RGS6: variants seen among roughly 807,000 people sequenced by gnomAD.
The protein encoded by RGS6 is regulator of G protein signaling 6.
A neutral mutation model predicts 78.5 loss-of-function variants in RGS6; 30 were observed. The observed-to-expected ratio is 0.38, with a 90% CI of 0.29 to 0.52. RGS6 has a LOEUF of 0.52. RGS6 is among the 20% of genes least tolerant of loss of function. The pLI is 0.85. For missense variants in RGS6, 495 were observed against 609.7 expected, an observed-to-expected ratio of 0.81 and a Z score of 1.98; for synonymous variants, 206 against 206.0, an observed-to-expected ratio of 1.00 and a Z score of 0.00.
chr14:72,357,875 A>G (rs1380790461), intron 3 of RGS6, among the ~76,000 whole-genome samples: 1 of 152,228 alleles, frequency 6.6e-6, no homozygotes, highest in African/African-American at 2.4e-5. Flanking sequence ...GGCATGTCAC[A>G]GACCTTCAAG....
chr14:72,262,985 A>G (rs1478204989), intron 2 of RGS6, among the ~76,000 whole-genome samples: 1 of 152,050 alleles, frequency 6.6e-6, no homozygotes, highest in African/African-American at 2.4e-5. Flanking sequence ...GCAGCTTTAA[A>G]TGGAGAGAAA....
At position 72,481,971 on chromosome 14, in the gene RGS6, G is replaced by A. The variant is rs190000943; in HGVS notation, c.854+3642G>A. On this transcript the variant is annotated intron_variant, in intron 12 of 17. Transcript: ENST00000553525. ...TTACAGGCACCTGCCACCAAGCCTG[G>A]CTAATTTTTTTGTATTTTTTAGTAG... is the stretch of plus-strand genomic sequence containing the variant. 5.3e-5 allele frequency among the ~76,000 whole-genome samples: 8 copies of A among 152,010 alleles called. 1 individual carries two copies. In the East Asian group the frequency reaches 1.5e-3, roughly 29 times the overall value.
intron 2 of RGS6, among the ~76,000 whole-genome samples, chr14:72,040,448 G>T (rs1215571986): frequency 6.6e-6 from 1 of 151,666 alleles, no homozygotes; most frequent in Non-Finnish European, 1.5e-5. Flanking sequence ...CTTCCTTCTG[G>T]CGTATAAACT....
the RGS6 span, among the ~76,000 whole-genome samples, chr14:72,625,727 T>A: frequency 6.6e-5 from 10 of 152,236 alleles, no homozygotes; most frequent in Non-Finnish European, 1.2e-4. Context: ...TATGGCTAGA[T>A]ATAATATGTA....
At chr14:72,179,213 C>A (rs764481836) in intron 2 of RGS6, among the ~76,000 whole-genome samples, 39 of 152,176 alleles carry the variant, frequency 2.6e-4, no homozygotes, top group Non-Finnish European at 5.0e-4. Flanking sequence ...GCAAGTTAAT[C>A]TCCTTTGCCC....
intron 2 of RGS6, among the ~76,000 whole-genome samples, chr14:72,251,698 G>C (rs1414025306): frequency 1.3e-5 from 2 of 152,060 alleles, no homozygotes; most frequent in Non-Finnish European, 2.9e-5. Context: ...TCGACACCAG[G>C]GACTACTAGA....
chr14:72,441,567 C>T (rs1292868599), intron 3 of RGS6, among the ~76,000 whole-genome samples: 4 of 152,238 alleles, frequency 2.6e-5, no homozygotes, highest in African/African-American at 7.2e-5. Flanking sequence ...CCAGGGCCCT[C>T]GCCAGCCCTC....
the RGS6 span, among the ~76,000 whole-genome samples, chr14:72,623,717 A>G: frequency 1.3e-5 from 2 of 152,196 alleles, 1 homozygote; most frequent in South Asian, 4.1e-4. Context: ...TTCATGGTGT[A>G]GTGTATCTTT....
intron 2 of RGS6, among the ~76,000 whole-genome samples, chr14:72,254,592 C>G (rs1254474698): frequency 6.6e-6 from 1 of 152,104 alleles, no homozygotes. Context: ...TTTTAGCCTA[C>G]TGGGAACCCC....
At chr14:72,096,115 C>CA (rs754511487) in intron 2 of RGS6, among the ~76,000 whole-genome samples, 29 of 151,548 alleles carry the variant, frequency 1.9e-4, no homozygotes, top group East Asian at 7.8e-4. Context: ...CTAAAAAATA[C>CA]AAAAAAAATT....
chr14:71,964,988 A>G (rs960960756), intron 2 of RGS6, 113 bp downstream of exon 2: 2 of 653,338 alleles, frequency 3.1e-6, no homozygotes, highest in Non-Finnish European at 4.8e-6. Context: ...TGATAAATGC[A>G]TATTTTCTTC....
At chr14:72,198,738 A>T (rs1477543978) in intron 2 of RGS6, among the ~76,000 whole-genome samples, 2 of 152,236 alleles carry the variant, frequency 1.3e-5, no homozygotes, top group Non-Finnish European at 2.9e-5. Context: ...CCAGGTTAGG[A>T]CATGTGCCTC....
chr14:72,610,050 C>T, the RGS6 span, among the ~76,000 whole-genome samples: 9 of 152,200 alleles, frequency 5.9e-5, no homozygotes, highest in Admixed American at 5.9e-4. Context: ...GACTGAGAGT[C>T]TCAGAAGGAG....
chr14:71,927,328 C>G, the RGS6 span, among the ~76,000 whole-genome samples: 3 of 152,188 alleles, frequency 2.0e-5, no homozygotes, highest in Non-Finnish European at 4.4e-5. Context: ...TAAAACATAA[C>G]TATTCCAGCA....
chr14:72,311,486 G>A (rs1385821515), intron 2 of RGS6, among the ~76,000 whole-genome samples: 2 of 149,874 alleles, frequency 1.3e-5, no homozygotes, highest in Admixed American at 6.6e-5. Context: ...TGAGCCTTTT[G>A]TAAAAAAAAA....
At chr14:72,480,975 G>A (rs1324143036) in intron 12 of RGS6, among the ~76,000 whole-genome samples, 2 of 152,174 alleles carry the variant, frequency 1.3e-5, no homozygotes, top group African/African-American at 4.8e-5. Context: ...TTGGACTAAA[G>A]GGTGCATCCA....
chr14:71,869,283 T>A, the RGS6 span, among the ~76,000 whole-genome samples: 1 of 152,176 alleles, frequency 6.6e-6, no homozygotes, highest in African/African-American at 2.4e-5. Flanking sequence ...CAGCTAGAGA[T>A]GAGCAAGTAG....
At chr14:71,883,622 G>A in the RGS6 span, among the ~76,000 whole-genome samples, 5 of 152,304 alleles carry the variant, frequency 3.3e-5, no homozygotes, top group South Asian at 1.0e-3. Flanking sequence ...GATGAGAGAG[G>A]AGGTTGGCAC....
intron 2 of RGS6, among the ~76,000 whole-genome samples, chr14:72,342,579 A>AAT (rs2077217177): frequency 6.7e-6 from 1 of 150,028 alleles, no homozygotes; most frequent in African/African-American, 2.5e-5. Context: ...AAAAAAAAAA[A>AAT]ACTATCCAGG....
Sources: gnomAD v4.1 joint callset for allele counts (sites outside exome capture counted in the v4.1 genomes callset) on GRCh38, gnomAD v4.1.1 for gene constraint, MANE v1.5 for transcripts, NCBI Gene and HGNC (gene_info 2026-07-23, HGNC 2026-07-21) for gene names.